Variants in CDKL5 observed in about 807,000 individuals in gnomAD.
The protein encoded by CDKL5 is cyclin-dependent kinase-like 5.
A neutral mutation model predicts 61.7 loss-of-function variants in CDKL5; 8 were observed. The observed-to-expected ratio is 0.13, with a 90% CI of 0.08 to 0.23. The LOEUF (loss-of-function observed/expected upper bound fraction) is 0.23. CDKL5 is among the 10% of genes least tolerant of loss of function. CDKL5 has a pLI of 1.00. For synonymous variants in CDKL5, 275 were observed against 272.3 expected, an observed-to-expected ratio of 1.01 and a Z score of -0.10; for missense variants, 440 against 734.5, an observed-to-expected ratio of 0.60 and a Z score of 4.63.
At position 18,522,335 on chromosome X, in the gene CDKL5, C is replaced by CTTT. The variant is rs369618121; in HGVS notation, c.99+11506_99+11508dup. Among the ~76,000 whole-genome samples the CTTT allele has an allele frequency of 4.3e-4, 16 of 37,510 alleles. 3 individuals carry two copies. Among genetic ancestry groups the CTTT allele is most frequent in the African/African-American group, 1.3e-3 (11 of 8,681 alleles). The allele number at this position is 37,510 out of a possible 115,157, so 32.6% of individuals were successfully genotyped here. Reference sequence around the variant, plus strand: ...TCTTGCTCTGTTGCCCAGGCTGGAGCTTTTTTTTTTTTTTTTTTTTTTTTT... The same window carrying CTTT: ...TCTTGCTCTGTTGCCCAGGCTGGAGCTTTTTTTTTTTTTTTTTTTTTTTTTTTT... On this transcript the variant is annotated intron_variant, in intron 3 of 17. Coordinates refer to ENST00000623535, the MANE Select transcript of CDKL5 (RefSeq NM_001323289.2).
intron 13 of CDKL5, 107 bp from the exon 14 acceptor site, chrX:18,609,350 TACTACTGC>T: frequency 8.7e-7 from 1 of 1,150,424 alleles, no homozygotes; most frequent in Non-Finnish European, 1.2e-6. Context: ...GCCATGATCC[TACTACTGC>T]ACTACAGCCT....
chrX:18,500,505 G>T (rs774102947), intron 1 of CDKL5, among the ~76,000 whole-genome samples: 1 of 111,437 alleles, frequency 9.0e-6, no homozygotes, highest in Non-Finnish European at 1.9e-5. Flanking sequence ...TATCTCTCTG[G>T]ATTCTATTCT....
At chrX:18,582,228 A>T (rs1480359174) in intron 7 of CDKL5, among the ~76,000 whole-genome samples, 1 of 111,603 alleles carries the variant, frequency 9.0e-6, no homozygotes, top group Non-Finnish European at 1.9e-5. Flanking sequence ...CTTCACAAAA[A>T]TTTTTTTTGA....
chrX:18,613,372 G>T, intron 15 of CDKL5, 97 bp downstream of exon 15: 1 of 796,037 alleles, frequency 1.3e-6, no homozygotes, highest in Non-Finnish European at 1.8e-6. Flanking sequence ...CCTTTCTCCT[G>T]CTAGGCCTTT....
intron 1 of CDKL5, among the ~76,000 whole-genome samples, chrX:18,480,938 A>G (rs1265024670): frequency 9.6e-6 from 1 of 103,709 alleles, no homozygotes; most frequent in African/African-American, 3.6e-5. Context: ...GCTCACTGCA[A>G]CCTCCACCTC....
chrX:18,584,721 A>G (rs1292213289), intron 8 of CDKL5, among the ~76,000 whole-genome samples: 1 of 111,491 alleles, frequency 9.0e-6, no homozygotes, highest in Non-Finnish European at 1.9e-5. Flanking sequence ...AGCTATTCCA[A>G]GTTTCTAAGT....
intron 1 of CDKL5, among the ~76,000 whole-genome samples, chrX:18,434,528 T>C (rs1342549375): frequency 3.6e-5 from 4 of 112,150 alleles, no homozygotes; most frequent in Middle Eastern, 8.3e-3. Context: ...AGAACAACTT[T>C]GGTTTCTGGA....
intron 1 of CDKL5, among the ~76,000 whole-genome samples, chrX:18,459,737 G>T (rs1179132063): frequency 1.4e-5 from 1 of 71,372 alleles, no homozygotes; most frequent in Non-Finnish European, 2.4e-5. Context: ...ATGGAGTCTC[G>T]TTCTGTCACC....
At position 18,436,216 on chromosome X, in the gene CDKL5, C is replaced by T. The variant is rs775191619; in HGVS notation, c.-163+10521C>T. 2.7e-5 allele frequency among the ~76,000 whole-genome samples: 3 copies of T among 111,077 alleles called. No homozygotes were observed. In the South Asian group the frequency reaches 1.2e-3, roughly 43 times the overall value. Reference sequence around the variant, plus strand: ...ATTATAAATGTGCTCATCGTCTTCACATTGAGTAGGCTGAGGAGGAAGAGG... The same window carrying T: ...ATTATAAATGTGCTCATCGTCTTCATATTGAGTAGGCTGAGGAGGAAGAGG... On this transcript the variant is annotated intron_variant, in intron 1 of 17. Transcript: ENST00000623535.
intron 1 of CDKL5, among the ~76,000 whole-genome samples, chrX:18,454,870 C>T (rs755454730): frequency 1.8e-4 from 19 of 106,056 alleles, no homozygotes; most frequent in African/African-American, 6.6e-4. Flanking sequence ...CATTGCATCA[C>T]TATAATAGTT....
chrX:18,513,241 A>G (rs1368939301), intron 3 of CDKL5, among the ~76,000 whole-genome samples: 1 of 111,226 alleles, frequency 9.0e-6, no homozygotes, highest in Admixed American at 9.7e-5. Flanking sequence ...CTATTTACTC[A>G]TTTGTTAAAA....
chrX:18,522,530 A>G (rs1255429113), intron 3 of CDKL5, among the ~76,000 whole-genome samples: 1 of 107,101 alleles, frequency 9.3e-6, no homozygotes, highest in Non-Finnish European at 1.9e-5. Flanking sequence ...TTTTTAGTAG[A>G]GACAGGGTTT....
intron 1 of CDKL5, among the ~76,000 whole-genome samples, chrX:18,431,878 GT>G (rs1021153221): frequency 1.9e-5 from 2 of 103,701 alleles, no homozygotes; most frequent in South Asian, 4.3e-4. Flanking sequence ...CTGTCAATGA[GT>G]TTTTTTTAAC....
intron 3 of CDKL5, among the ~76,000 whole-genome samples, chrX:18,543,523 T>A (rs902167409): frequency 4.5e-5 from 5 of 111,071 alleles, no homozygotes; most frequent in Admixed American, 1.9e-4. Context: ...GTGGGGCTGC[T>A]CCATCTTGAC....
chrX:18,531,325 G>C (rs752697770), intron 3 of CDKL5, among the ~76,000 whole-genome samples: 3 of 111,939 alleles, frequency 2.7e-5, no homozygotes, highest in Non-Finnish European at 5.6e-5. Flanking sequence ...CTTACCCCTG[G>C]GTGTATTTCA....
rs890804864 is a variant in CDKL5 at position 18,495,146 on chromosome X, A to G, written c.-162-11789A>G. ...CATGTACCAAATGTATTCCTATGCAATTTTCAGTGACAAAATGGTTCTCTC... is the reference window on the plus strand; with the variant it reads ...CATGTACCAAATGTATTCCTATGCAGTTTTCAGTGACAAAATGGTTCTCTC... On this transcript the variant is annotated intron_variant, in intron 1 of 17. Transcript: ENST00000623535. Among the ~76,000 whole-genome samples, 47 of 112,306 alleles carry G rather than the reference A, an allele frequency of 4.2e-4. No homozygotes were observed. In the Admixed American group the frequency reaches 4.4e-3, roughly 11 times the overall value.
intron 11 of CDKL5, among the ~76,000 whole-genome samples, chrX:18,603,192 C>T (rs1028511436): frequency 1.2e-4 from 13 of 111,971 alleles, no homozygotes; most frequent in Admixed American, 1.9e-4. Flanking sequence ...CTCTGTAATC[C>T]GGTATAGTAC....
At chrX:18,458,428 GTTAA>G (rs1400289105) in intron 1 of CDKL5, among the ~76,000 whole-genome samples, 1 of 111,712 alleles carries the variant, frequency 9.0e-6, no homozygotes, top group African/African-American at 3.2e-5. Flanking sequence ...ATGTAAATAT[GTTAA>G]TTAGACATTA....
chrX:18,430,338 C>T (rs1162273814), intron 1 of CDKL5, among the ~76,000 whole-genome samples: 2 of 111,950 alleles, frequency 1.8e-5, no homozygotes, highest in African/African-American at 6.5e-5. Context: ...TTAGATATAC[C>T]CTTGAAGTAA....
Sources: gnomAD v4.1 joint callset for allele counts (sites outside exome capture counted in the v4.1 genomes callset) on GRCh38, gnomAD v4.1.1 for gene constraint, MANE v1.5 for transcripts, NCBI Gene and HGNC (gene_info 2026-07-23, HGNC 2026-07-21) for gene names.